The following TRMT9B variants were observed in gnomAD, a reference collection of about 807,000 sequenced individuals.
TRMT9B encodes tRNA methyltransferase 9B (putative).
Under a neutral mutation model 11.5 loss-of-function variants are expected in TRMT9B, and 16 were observed. The observed-to-expected ratio is 1.39, with a 90% CI of 0.94 to 2.11. The LOEUF (loss-of-function observed/expected upper bound fraction) is 2.11. Ranked by LOEUF, TRMT9B falls within the 30% of genes most tolerant of loss-of-function variation. The pLI is 0.00. For synonymous variants in TRMT9B, 274 were observed against 192.4 expected, an observed-to-expected ratio of 1.42 and a Z score of -3.51; for missense variants, 941 against 553.8, an observed-to-expected ratio of 1.70 and a Z score of -7.02.
intron 2 of TRMT9B, among the ~76,000 whole-genome samples, chr8:13,005,750 C>G (rs1191060318): frequency 6.6e-6 from 1 of 152,182 alleles, no homozygotes; most frequent in African/African-American, 2.4e-5. Flanking sequence ...AGTACTGATA[C>G]AGAGACATGG....
At chr8:12,990,066 C>T (rs145673161) in intron 1 of TRMT9B, among the ~76,000 whole-genome samples, 7 of 152,264 alleles carry the variant, frequency 4.6e-5, no homozygotes, top group Admixed American at 2.0e-4. Flanking sequence ...AAAACCCACA[C>T]GCACCCTGCC....
At position 13,012,738 on chromosome 8, in the gene TRMT9B, G is replaced by A. The variant is rs1167713935; in HGVS notation, c.209G>A (p.Cys70Tyr). 13 of 1,613,918 alleles carry A rather than the reference G, an allele frequency of 8.1e-6. No homozygotes were observed. Among genetic ancestry groups the A allele is most frequent in the Non-Finnish European group, 1.1e-5 (13 of 1,179,890 alleles). ...KVNSQVHTVG[C>Y]DYCGPLVEIA... Reference sequence around the variant, plus strand: ...AACAGCCAGGTACATACCGTGGGCTGTGACTACTGTGGGCCACTGGTAGAG... The same window carrying A: ...AACAGCCAGGTACATACCGTGGGCTATGACTACTGTGGGCCACTGGTAGAG... Residue 70 changes from cysteine (C) to tyrosine (Y), a missense_variant, in exon 4 of 5, where the codon TGT (cysteine) becomes TAT (tyrosine). Coordinates refer to ENST00000524591, the MANE Select transcript of TRMT9B (RefSeq NM_020844.3).
intron 2 of TRMT9B, among the ~76,000 whole-genome samples, chr8:12,992,246 A>G (rs939602810): frequency 1.3e-5 from 2 of 152,178 alleles, no homozygotes; most frequent in Admixed American, 6.5e-5. Context: ...TCACATTTCC[A>G]TCTCTGCCGT....
chr8:13,017,436 T>G (rs998769574), intron 4 of TRMT9B, among the ~76,000 whole-genome samples: 2 of 152,182 alleles, frequency 1.3e-5, no homozygotes, highest in Non-Finnish European at 2.9e-5. Flanking sequence ...AAGTTGTGAT[T>G]ATGATTTTTT....
intron 4 of TRMT9B, among the ~76,000 whole-genome samples, chr8:13,017,504 A>C (rs1812944122): frequency 6.6e-6 from 1 of 152,182 alleles, no homozygotes; most frequent in East Asian, 1.9e-4. Flanking sequence ...ATTTCGGATA[A>C]ATATATTCTC....
intron 1 of TRMT9B, chr8:12,958,706 T>G (rs1458506610): frequency 2.6e-5 from 4 of 152,176 alleles, no homozygotes; most frequent in African/African-American, 7.2e-5. Flanking sequence ...AGAACCAGCA[T>G]GAGATTGAAC....
At chr8:13,011,310 A>G in intron 3 of TRMT9B, 3 of 985,282 alleles carry the variant, frequency 3.0e-6, no homozygotes, top group Non-Finnish European at 3.6e-6. Context: ...TTATTCATAT[A>G]TTCTCCACTG....
chr8:13,004,899 A>C (rs1810149537), intron 2 of TRMT9B, among the ~76,000 whole-genome samples: 1 of 151,954 alleles, frequency 6.6e-6, no homozygotes, highest in Non-Finnish European at 1.5e-5. Flanking sequence ...TCATGGCTTG[A>C]GTGCCAGCTC....
At position 13,029,596 on chromosome 8, in the gene TRMT9B, A is replaced by G. The variant is rs1439759016; in HGVS notation, c.*7552A>G. ...AGGACAAGCATTATTCAGTTCACAT[A>G]GTCAGCTCTCACTACACTTCAACAG... On this transcript the variant is annotated 3_prime_UTR_variant, in exon 5 of 5. Coordinates refer to ENST00000524591, the MANE Select transcript of TRMT9B (RefSeq NM_020844.3). 2 of 165,208 alleles carry G rather than the reference A, an allele frequency of 1.2e-5. No homozygotes were observed. The highest frequency in any genetic ancestry group is 2.9e-5 in the Non-Finnish European group (2 of 68,114). The allele number at this position is 165,208 out of a possible 1,614,324, so 10.2% of individuals were successfully genotyped here. A position where few individuals can be genotyped will look rare whatever the true frequency, so the allele number is the denominator to read the frequency against.
chr8:12,999,125 C>T (rs543788570), intron 2 of TRMT9B, among the ~76,000 whole-genome samples: 1 of 151,706 alleles, frequency 6.6e-6, no homozygotes, highest in Non-Finnish European at 1.5e-5. Context: ...AGGGTGAAAC[C>T]CCGTCTCTAG....
At chr8:12,965,888 C>T (rs973623553) in intron 1 of TRMT9B, among the ~76,000 whole-genome samples, 1 of 151,682 alleles carries the variant, frequency 6.6e-6, no homozygotes, top group Non-Finnish European at 1.5e-5. Flanking sequence ...TGGCGGGCAC[C>T]TGTAGTTCCA....
chr8:13,024,130 G>GC lies in TRMT9B; in HGVS notation c.*2088dup, dbSNP rs35054205. 2 of 138,422 alleles carry GC rather than the reference G, an allele frequency of 1.4e-5. No homozygotes were observed. The highest frequency in any genetic ancestry group is 2.8e-5 in the African/African-American group (1 of 36,264). The allele number at this position is 138,422 out of a possible 1,614,324, so 8.6% of individuals were successfully genotyped here. ...GCGATCTCGGCTCACTGTAAGCTCC[G>GC]CCTCCCGGGTTCACGCCATCCTCCT... On this transcript the variant is annotated 3_prime_UTR_variant, in exon 5 of 5. Coordinates refer to ENST00000524591, the MANE Select transcript of TRMT9B (RefSeq NM_020844.3).
intron 1 of TRMT9B, among the ~76,000 whole-genome samples, chr8:12,987,527 C>CA (rs1806536459): frequency 1.3e-5 from 2 of 151,962 alleles, no homozygotes. Flanking sequence ...CCCATTTCTA[C>CA]AAAAATCACA....
intron 4 of TRMT9B, among the ~76,000 whole-genome samples, chr8:13,015,074 T>C (rs1233803760): frequency 8.0e-6 from 1 of 124,304 alleles, no homozygotes; most frequent in Non-Finnish European, 1.7e-5. Context: ...AATAAATAAA[T>C]AAATAAATAA....
chr8:12,999,619 C>T (rs938240085), intron 2 of TRMT9B, among the ~76,000 whole-genome samples: 2 of 152,140 alleles, frequency 1.3e-5, no homozygotes, highest in African/African-American at 2.4e-5. Context: ...AGACCTATTA[C>T]ATTTAGGGCC....
intron 1 of TRMT9B, among the ~76,000 whole-genome samples, chr8:12,947,757 T>A (rs544955550): frequency 6.6e-6 from 1 of 152,388 alleles, no homozygotes; most frequent in South Asian, 2.1e-4. Flanking sequence ...CAGTATTTAT[T>A]ACATAAGCTG....
At chr8:12,983,446 G>A (rs1805738471) in intron 1 of TRMT9B, among the ~76,000 whole-genome samples, 1 of 152,148 alleles carries the variant, frequency 6.6e-6, no homozygotes, top group Non-Finnish European at 1.5e-5. Context: ...GAGGAGGGCA[G>A]ATTACCTGAG....
intron 4 of TRMT9B, among the ~76,000 whole-genome samples, chr8:13,016,746 C>T (rs1365638355): frequency 2.0e-5 from 3 of 151,332 alleles, no homozygotes; most frequent in Admixed American, 1.3e-4. Flanking sequence ...CTGGGGGTTA[C>T]GTTGCTCCTT....
At chr8:13,004,605 C>T (rs559684298) in intron 2 of TRMT9B, among the ~76,000 whole-genome samples, 1 of 152,006 alleles carries the variant, frequency 6.6e-6, no homozygotes, top group Non-Finnish European at 1.5e-5. Context: ...GGACCTAGTC[C>T]TGTCAGGACC....
Sources: gnomAD v4.1 joint callset for allele counts (sites outside exome capture counted in the v4.1 genomes callset) on GRCh38, gnomAD v4.1.1 for gene constraint, MANE v1.5 for transcripts, NCBI Gene and HGNC (gene_info 2026-07-23, HGNC 2026-07-21) for gene names.